The following CSMD1 variants were observed in gnomAD, a reference collection of about 807,000 sequenced individuals.
CSMD1 encodes the protein CUB and Sushi multiple domains 1.
A neutral mutation model predicts 417.5 loss-of-function variants in CSMD1; 213 were observed. The ratio of observed to expected loss-of-function variants is 0.51; its 90% CI spans 0.46 to 0.57. CSMD1 has a LOEUF of 0.57. Among genes scored for constraint, CSMD1 ranks in the 20% least tolerant of loss-of-function variants. CSMD1 has a pLI of 0.00. For synonymous variants in CSMD1, 2,862 were observed against 1,736.8 expected (o/e 1.65, Z -16.11); for missense variants, 6,923 against 4,529.7 (o/e 1.53, Z -15.17).
intron 49 of CSMD1, among the ~76,000 whole-genome samples, chr8:3,066,806 T>C (rs988895760): frequency 6.6e-6 from 1 of 152,214 alleles, no homozygotes; most frequent in African/African-American, 2.4e-5. Context: ...AACTCTTATT[T>C]AAGCTCATTT....
chr8:4,283,980 C>G (rs187573117), intron 3 of CSMD1, among the ~76,000 whole-genome samples: 1 of 152,058 alleles, frequency 6.6e-6, no homozygotes, highest in Admixed American at 6.6e-5. Context: ...CACTTGTAAT[C>G]GTAGCACTTT....
At chr8:4,071,264 C>G (rs565468536) in intron 3 of CSMD1, among the ~76,000 whole-genome samples, 48 of 152,172 alleles carry the variant, frequency 3.2e-4, no homozygotes, top group African/African-American at 1.1e-3. Context: ...GCCTGACGCC[C>G]TGCTTGTTAT....
intron 1 of CSMD1, among the ~76,000 whole-genome samples, chr8:4,804,820 T>C (rs1277516299): frequency 6.6e-6 from 1 of 152,208 alleles, no homozygotes; most frequent in East Asian, 1.9e-4. Context: ...ACAGATATGA[T>C]TACTGATACT....
chr8:4,721,852 G>T (rs1809074847), intron 1 of CSMD1, among the ~76,000 whole-genome samples: 1 of 152,090 alleles, frequency 6.6e-6, no homozygotes, highest in Non-Finnish European at 1.5e-5. Flanking sequence ...CTTTACAAAA[G>T]GAGATACTGT....
At chr8:4,866,403 C>G (rs903063456) in intron 1 of CSMD1, among the ~76,000 whole-genome samples, 2 of 151,988 alleles carry the variant, frequency 1.3e-5, no homozygotes, top group Admixed American at 6.6e-5. Context: ...TAACATCTCT[C>G]TAATTGTTTC....
At chr8:4,889,388 A>G (rs1803958730) in intron 1 of CSMD1, among the ~76,000 whole-genome samples, 1 of 152,162 alleles carries the variant, frequency 6.6e-6, no homozygotes, top group African/African-American at 2.4e-5. Flanking sequence ...CTGAGAAACC[A>G]CCAAATGCAG....
At chr8:3,701,568 T>G (rs574436676) in intron 7 of CSMD1, among the ~76,000 whole-genome samples, 12 of 152,262 alleles carry the variant, frequency 7.9e-5, no homozygotes, top group African/African-American at 2.9e-4. Flanking sequence ...CCCACTAGTG[T>G]ATTTTATTTG....
chr8:3,854,312 C>T (rs1804140087), intron 5 of CSMD1, among the ~76,000 whole-genome samples: 1 of 151,688 alleles, frequency 6.6e-6, no homozygotes, highest in Admixed American at 6.6e-5. Context: ...GTAGTGTGCA[C>T]TGCCCTTTTT....
intron 55 of CSMD1, among the ~76,000 whole-genome samples, chr8:2,974,868 T>C (rs769981410): frequency 3.3e-5 from 5 of 152,224 alleles, no homozygotes; most frequent in East Asian, 1.9e-4. Flanking sequence ...GCTTTCCTTA[T>C]GGTAGAAATT....
chr8:4,594,575 G>C (rs568096332), intron 2 of CSMD1, among the ~76,000 whole-genome samples: 16 of 152,148 alleles, frequency 1.1e-4, no homozygotes, highest in Non-Finnish European at 2.1e-4. Flanking sequence ...CGTTTTTTTG[G>C]AGGGGGGCAC....
chr8:3,795,458 G>A lies in CSMD1; in HGVS notation c.819-41416C>T, dbSNP rs1197851406. 1.8e-4 allele frequency among the ~76,000 whole-genome samples: 3 copies of A among 16,750 alleles called. 1 individual carries two copies. Among genetic ancestry groups the A allele is most frequent in the Admixed American group, 1.9e-3 (2 of 1,044 alleles). The allele number at this position is 16,750 out of a possible 152,430, so 11.0% of individuals were successfully genotyped here. On this transcript the variant is annotated intron_variant, in intron 5 of 69. Coordinates refer to ENST00000635120, the MANE Select transcript of CSMD1 (RefSeq NM_033225.6). Reference sequence around the variant, plus strand: ...TAGATATATATCTATCATAGATATAGATATATATCTATCATAGATATAGAT... The same window carrying A: ...TAGATATATATCTATCATAGATATAAATATATATCTATCATAGATATAGAT...
intron 4 of CSMD1, among the ~76,000 whole-genome samples, chr8:4,005,147 G>C (rs1034001642): frequency 1.3e-5 from 2 of 152,234 alleles, no homozygotes; most frequent in African/African-American, 4.8e-5. Flanking sequence ...GGAAGAGTGG[G>C]AGTGGGGAAA....
intron 10 of CSMD1, among the ~76,000 whole-genome samples, chr8:3,511,362 C>T (rs1266218874): frequency 7.1e-6 from 1 of 141,236 alleles, no homozygotes; most frequent in African/African-American, 2.8e-5. Context: ...ACATGTATCC[C>T]AGAACTTAAA....
intron 40 of CSMD1, among the ~76,000 whole-genome samples, chr8:3,147,994 T>C (rs1818943864): frequency 1.3e-5 from 2 of 152,342 alleles, no homozygotes; most frequent in South Asian, 2.1e-4. Flanking sequence ...AACAGCATTA[T>C]CCTGGTAAGA....
chr8:3,931,493 T>C (rs991907495), intron 5 of CSMD1, among the ~76,000 whole-genome samples: 1 of 150,328 alleles, frequency 6.7e-6, no homozygotes, highest in East Asian at 2.0e-4. Flanking sequence ...TTAAAAGGCA[T>C]AAAAGCTCAT....
rs1554518393 is a variant in CSMD1, at chr8:3,709,680, G to GGCTTTTTTTTTTTTTTTTTTTTTTTTTT, written c.932-1190_932-1189insAAAAAAAAAAAAAAAAAAAAAAAAAAGC. On this transcript the variant is annotated intron_variant, in intron 6 of 69. Transcript: ENST00000635120. The stretch of plus-strand genomic sequence containing the variant: ...GATGGGCTTTAAATTGCAGCAGCAT[G>GGCTTTTTTTTTTTTTTTTTTTTTTTTTT]TTTTTTTTTTTTTTTTTTTTTTTTT... Among the ~76,000 whole-genome samples the GGCTTTTTTTTTTTTTTTTTTTTTTTTTT allele has an allele frequency of 3.0e-4, 10 of 33,702 alleles. 2 individuals carry two copies. The highest frequency in any genetic ancestry group is 4.7e-4 in the Admixed American group (1 of 2,124). The allele number at this position is 33,702 out of a possible 152,430, so 22.1% of individuals were successfully genotyped here.
At position 4,613,768 on chromosome 8, in the gene CSMD1, C is replaced by T. The variant is rs368967483; in HGVS notation, c.302+23574G>A. Among the ~76,000 whole-genome samples the T allele has an allele frequency of 3.0e-4, 46 of 151,728 alleles. 2 individuals carry two copies. In the South Asian group the frequency reaches 9.6e-3, roughly 32 times the overall value. ...GATCTTTAACAAACTCTTTCTCTCA[C>T]TGCTAACATCAAGACCACCCAGGGA... On this transcript the variant is annotated intron_variant, in intron 2 of 69. Transcript: ENST00000635120.
chr8:3,906,575 G>T (rs10104914), intron 5 of CSMD1, among the ~76,000 whole-genome samples: 3 of 151,642 alleles, frequency 2.0e-5, no homozygotes, highest in Non-Finnish European at 2.9e-5. Flanking sequence ...GTACCATGAG[G>T]TGTGGGATAT....
chr8:3,000,912 A>C (rs673900), intron 52 of CSMD1, among the ~76,000 whole-genome samples: 1,758 of 152,284 alleles, frequency 0.012, 28 homozygotes, highest in African/African-American at 0.041. Context: ...ATGGCATTGA[A>C]AGAGCTTTAG....
Sources: gnomAD v4.1 joint callset for allele counts (sites outside exome capture counted in the v4.1 genomes callset) on GRCh38, gnomAD v4.1.1 for gene constraint, MANE v1.5 for transcripts, NCBI Gene and HGNC (gene_info 2026-07-23, HGNC 2026-07-21) for gene names.